The following FBN1 variants were observed in gnomAD, a reference collection of about 807,000 sequenced individuals.
FBN1 encodes fibrillin 1.
A neutral mutation model predicts 365.1 loss-of-function variants in FBN1; 29 were observed. The observed-to-expected ratio is 0.08, with a 90% CI of 0.06 to 0.11. The LOEUF (loss-of-function observed/expected upper bound fraction) is 0.11, where lower values mean the gene tolerates loss of function less well. FBN1 is among the 10% of genes least tolerant of loss of function. FBN1 has a pLI of 1.00. For synonymous variants in FBN1, 1,210 were observed against 1,270.5 expected (o/e 0.95, Z 1.01); for missense variants, 2,476 against 3,703.2 (o/e 0.67, Z 8.60).
At chr15:48,500,443 C>G (rs958761856) in intron 17 of FBN1, among the ~76,000 whole-genome samples, 2 of 152,130 alleles carry the variant, frequency 1.3e-5, no homozygotes, top group African/African-American at 4.8e-5. Context: ...GGAAGCAGCC[C>G]TTTTCCTCTG....
intron 9 of FBN1, among the ~76,000 whole-genome samples, chr15:48,525,637 C>A (rs1318289015): frequency 6.6e-6 from 1 of 152,142 alleles, no homozygotes; most frequent in Non-Finnish European, 1.5e-5. Flanking sequence ...ATTTCTAAGT[C>A]CTAATGGAAA....
intron 63 of FBN1, among the ~76,000 whole-genome samples, chr15:48,417,439 C>CT (rs1371734151): frequency 3.8e-5 from 3 of 78,680 alleles, no homozygotes; most frequent in East Asian, 8.7e-4. Flanking sequence ...CCTCCCCTCC[C>CT]CTCCCTCCTT....
intron 36 of FBN1, among the ~76,000 whole-genome samples, chr15:48,468,785 T>G (rs759907819): frequency 1.3e-5 from 2 of 149,748 alleles, no homozygotes; most frequent in Non-Finnish European, 3.0e-5. Flanking sequence ...AATATAACTT[T>G]GGGCCGGGCA....
chr15:48,471,865 T>C (rs149877386), intron 35 of FBN1, among the ~76,000 whole-genome samples: 195 of 152,354 alleles, frequency 1.3e-3, no homozygotes, highest in Non-Finnish European at 2.4e-3. Context: ...GAATCTTGTG[T>C]TCCCTAATGG....
At chr15:48,567,544 G>C (rs1365221963) in intron 6 of FBN1, among the ~76,000 whole-genome samples, 1 of 152,032 alleles carries the variant, frequency 6.6e-6, no homozygotes, top group Non-Finnish European at 1.5e-5. Flanking sequence ...CCAATGAACA[G>C]AGACAGAAAA....
At chr15:48,545,742 G>A (rs2044088944) in intron 6 of FBN1, among the ~76,000 whole-genome samples, 1 of 152,132 alleles carries the variant, frequency 6.6e-6, no homozygotes, top group East Asian at 1.9e-4. Context: ...GAAAATTCTA[G>A]CTGGCACAGT....
chr15:48,561,506 G>A (rs1289587789), intron 6 of FBN1, among the ~76,000 whole-genome samples: 1 of 152,038 alleles, frequency 6.6e-6, no homozygotes, highest in East Asian at 1.9e-4. Flanking sequence ...CAAATTTATT[G>A]GCACCCTGAA....
At chr15:48,622,709 G>C (rs1018704025) in intron 2 of FBN1, among the ~76,000 whole-genome samples, 3 of 151,990 alleles carry the variant, frequency 2.0e-5, no homozygotes, top group African/African-American at 7.3e-5. Flanking sequence ...TATCTACCAG[G>C]TAGGCCTAAT....
chr15:48,586,909 G>C (rs1200591906), intron 6 of FBN1, among the ~76,000 whole-genome samples: 1 of 152,064 alleles, frequency 6.6e-6, no homozygotes, highest in Non-Finnish European at 1.5e-5. Flanking sequence ...AGGTGTTAAG[G>C]GAAAACAAAT....
chr15:48,456,800 C>G (rs2043242228), intron 43 of FBN1, 38 bp from the exon 44 acceptor site: 1 of 1,602,864 alleles, frequency 6.2e-7, no homozygotes, highest in Admixed American at 1.7e-5. Context: ...GACAGGACAG[C>G]ACATGATCCC....
chr15:48,616,834 G>A (rs1889663042), intron 2 of FBN1, among the ~76,000 whole-genome samples: 1 of 152,000 alleles, frequency 6.6e-6, no homozygotes, highest in Non-Finnish European at 1.5e-5. Flanking sequence ...TTTGCTAAGT[G>A]CTAAAGATAT....
chr15:48,538,713 G>A (rs2044033260), intron 6 of FBN1, among the ~76,000 whole-genome samples: 1 of 152,120 alleles, frequency 6.6e-6, no homozygotes, highest in Admixed American at 6.5e-5. Context: ...CATTTCCGTG[G>A]TTCTACAATG....
At chr15:48,577,039 A>C (rs1328641699) in intron 6 of FBN1, among the ~76,000 whole-genome samples, 1 of 152,166 alleles carries the variant, frequency 6.6e-6, no homozygotes, top group African/African-American at 2.4e-5. Context: ...TTTAGAACTC[A>C]TAATTCTCAG....
At chr15:48,421,421 G>A in intron 62 of FBN1, 137 bp downstream of exon 62, 1 of 981,504 alleles carries the variant, frequency 1.0e-6, no homozygotes. Context: ...CAGGACCTGT[G>A]CACACTATTT....
intron 6 of FBN1, among the ~76,000 whole-genome samples, chr15:48,552,885 T>C (rs1017221706): frequency 6.6e-6 from 1 of 152,172 alleles, no homozygotes; most frequent in African/African-American, 2.4e-5. Context: ...CAAATGCAAA[T>C]GAGAATTCCA....
At chr15:48,423,733 T>C (rs3784623) in intron 60 of FBN1, among the ~76,000 whole-genome samples, 3,757 of 152,252 alleles carry the variant, frequency 0.025, 83 homozygotes, top group East Asian at 0.082. Flanking sequence ...CCCTTCTGGC[T>C]TCCTCCTTCT....
intron 12 of FBN1, among the ~76,000 whole-genome samples, chr15:48,514,692 G>T (rs73394209): frequency 0.017 from 2,644 of 152,192 alleles, 68 homozygotes; most frequent in African/African-American, 0.056. Context: ...ATTTAGACTA[G>T]TATAATGTGC....
chr15:48,421,843 T>A lies in FBN1; in HGVS notation c.7570+109A>T, dbSNP rs542981216. On this transcript the variant is annotated intron_variant, in intron 61 of 65. Transcript: ENST00000316623. ...GTGTGCTCACACATACATGCACTCATATATTTCTTTGAGCTTTTATTTTCT... is the reference window on the plus strand; with the variant it reads ...GTGTGCTCACACATACATGCACTCAAATATTTCTTTGAGCTTTTATTTTCT... 248 of 1,190,170 alleles carry A rather than the reference T, an allele frequency of 2.1e-4. 5 individuals carry two copies. In the South Asian group the frequency reaches 3.0e-3, roughly 14 times the overall value. The allele number at this position is 1,190,170 out of a possible 1,614,324, so 73.7% of individuals were successfully genotyped here. A position where few individuals can be genotyped will look rare whatever the true frequency, so the allele number is the denominator to read the frequency against.
chr15:48,489,231 T>TTTTG (rs2043535320), intron 25 of FBN1, among the ~76,000 whole-genome samples: 1 of 77,590 alleles, frequency 1.3e-5, no homozygotes, highest in East Asian at 3.2e-4. Flanking sequence ...TTTTTTTTTG[T>TTTTG]AGACACAGGG....
Sources: gnomAD v4.1 joint callset for allele counts (sites outside exome capture counted in the v4.1 genomes callset) on GRCh38, gnomAD v4.1.1 for gene constraint, MANE v1.5 for transcripts, NCBI Gene and HGNC (gene_info 2026-07-23, HGNC 2026-07-21) for gene names.